The following GPD2 variants were observed in gnomAD, a reference collection of about 807,000 sequenced individuals.
GPD2 encodes glycerol-3-phosphate dehydrogenase, mitochondrial.
GPD2 carries 54 observed loss-of-function variants against 82.4 expected under a neutral mutation model. The ratio of observed to expected loss-of-function variants is 0.66; its 90% confidence interval spans 0.53 to 0.82. The LOEUF (loss-of-function observed/expected upper bound fraction) is 0.82. Ranked by LOEUF, GPD2 falls within the 40% of genes least tolerant of loss-of-function variation. GPD2 has a pLI of 0.00. For synonymous variants in GPD2, 288 were observed against 306.1 expected (o/e 0.94, Z 0.62); for missense variants, 748 against 896.2 (o/e 0.83, Z 2.11).
intron 1 of GPD2, among the ~76,000 whole-genome samples, chr2:156,439,244 A>T (rs2105134170): frequency 6.6e-6 from 1 of 152,012 alleles, no homozygotes; most frequent in South Asian, 2.1e-4. Flanking sequence ...GAAAATGGTA[A>T]CTCTTCATTC....
intron 9 of GPD2, among the ~76,000 whole-genome samples, chr2:156,561,053 T>TTTTTTTTTTG: frequency 8.0e-6 from 1 of 125,470 alleles, no homozygotes; most frequent in African/African-American, 3.0e-5. Flanking sequence ...TTTTTTTTTT[T>TTTTTTTTTTG]TTTTTTTTTT....
intron 4 of GPD2, 43 bp from the exon 5 acceptor site, chr2:156,512,177 G>C (rs756093375): frequency 2.2e-6 from 2 of 927,904 alleles, no homozygotes; most frequent in South Asian, 2.6e-5. Context: ...AAAATATTAT[G>C]ATCTGTTACT....
chr2:156,469,765 T>C (rs1683266174), intron 1 of GPD2, among the ~76,000 whole-genome samples: 1 of 152,212 alleles, frequency 6.6e-6, no homozygotes, highest in Non-Finnish European at 1.5e-5. Flanking sequence ...TGCTTACTTC[T>C]ATGCTGGCAT....
chr2:156,558,830 T>C (rs1170059939), intron 9 of GPD2, among the ~76,000 whole-genome samples: 2 of 142,858 alleles, frequency 1.4e-5, no homozygotes, highest in East Asian at 4.2e-4. Context: ...GTTGGCCAGG[T>C]TGGTCTCAAA....
In GPD2 at chr2:156,527,890, T is replaced by C. The variant is rs1206247619; in HGVS notation, c.661+14394T>C. On this transcript the variant is annotated intron_variant, in intron 6 of 16. Coordinates refer to ENST00000438166, the MANE Select transcript of GPD2 (RefSeq NM_000408.5). ...AATGGATTTGGTGATTTGTGTTTTA[T>C]TTTCCTTAAGAAGGTTGAAGTCTGA... 3.9e-5 allele frequency among the ~76,000 whole-genome samples: 6 copies of C among 152,152 alleles called. No homozygotes were observed. The South Asian group carries it at 8.3e-4, about 21-fold the overall frequency.
intron 16 of GPD2, among the ~76,000 whole-genome samples, chr2:156,581,080 GT>G: frequency 6.6e-6 from 1 of 152,210 alleles, no homozygotes; most frequent in East Asian, 1.9e-4. Flanking sequence ...ATGCTATGTG[GT>G]TTAGGTTTTA....
At chr2:156,552,360 T>C (rs1686789874) in intron 8 of GPD2, among the ~76,000 whole-genome samples, 2 of 152,178 alleles carry the variant, frequency 1.3e-5, no homozygotes, top group Non-Finnish European at 2.9e-5. Context: ...GAAATAAATA[T>C]ATGAAAATGT....
chr2:156,577,242 A>G lies in GPD2; in HGVS notation c.1768-1647A>G, dbSNP rs755793613. On this transcript the variant is annotated intron_variant, in intron 13 of 16. Coordinates refer to ENST00000438166, the MANE Select transcript of GPD2 (RefSeq NM_000408.5). ...CATGCCTATAATCCCAGCACTTTGG[A>G]AAGCTGAGGTGGGAGAATCAATCAC... Among the ~76,000 whole-genome samples, 4 of 152,084 alleles carry G rather than the reference A, an allele frequency of 2.6e-5. No homozygotes were observed. In the East Asian group the frequency reaches 7.7e-4, roughly 29 times the overall value.
At chr2:156,464,710 T>G (rs536816216) in intron 1 of GPD2, among the ~76,000 whole-genome samples, 1 of 152,276 alleles carries the variant, frequency 6.6e-6, no homozygotes, top group East Asian at 1.9e-4. Context: ...CTATAACTAA[T>G]TATTATTAAA....
chr2:156,450,387 A>G (rs567485626), intron 1 of GPD2, among the ~76,000 whole-genome samples: 1 of 152,300 alleles, frequency 6.6e-6, no homozygotes, highest in African/African-American at 2.4e-5. Flanking sequence ...CAGAGAATGT[A>G]TATAGAGAGA....
At chr2:156,482,204 G>T (rs1450940752) in intron 2 of GPD2, among the ~76,000 whole-genome samples, 1 of 152,182 alleles carries the variant, frequency 6.6e-6, no homozygotes, top group Middle Eastern at 3.2e-3. Context: ...AGTAGCAAAT[G>T]ATATATCCTT....
intron 3 of GPD2, chr2:156,501,978 A>G (rs1003619480): frequency 6.3e-6 from 1 of 159,762 alleles, no homozygotes; most frequent in Non-Finnish European, 1.5e-5. Context: ...GAGTCTATAA[A>G]TTAGTCTATC....
At chr2:156,433,533 T>G (rs545371031), upstream of GPD2, among the ~76,000 whole-genome samples, 3 of 152,274 alleles carry the variant, frequency 2.0e-5, no homozygotes, top group African/African-American at 7.2e-5. Flanking sequence ...ACCCACCAAG[T>G]TGTCCTTAAA....
At chr2:156,490,397 A>C (rs1014536605) in intron 2 of GPD2, among the ~76,000 whole-genome samples, 4 of 151,926 alleles carry the variant, frequency 2.6e-5, no homozygotes, top group East Asian at 3.8e-4. Flanking sequence ...GAAAAAAAAA[A>C]AAAACAAAAA....
rs1558972299 is a variant in GPD2 at position 156,579,158 on chromosome 2, A to G, written c.1953A>G (p.Val651=). 1.3e-6 allele frequency: 2 copies of G among 1,585,084 alleles called. No homozygotes were observed. Among genetic ancestry groups the G allele is most frequent in the South Asian group, 1.1e-5 (1 of 90,482 alleles). Reference sequence around the variant, plus strand: ...TTACCATTGTTGATGTTCAGCGTGTATTAGAGGTAATTTTCTTTGGTTGAT... The same window carrying G: ...TTACCATTGTTGATGTTCAGCGTGTGTTAGAGGTAATTTTCTTTGGTTGAT... ...GFITIVDVQR[V]LESINVQMDE... is the part of the protein sequence containing the mutation. Residue 651 remains valine, a synonymous_variant, in exon 15 of 17, where the codon GTA becomes GTG. Transcript: ENST00000438166.
At chr2:156,556,180 T>G (rs1165732841) in intron 8 of GPD2, among the ~76,000 whole-genome samples, 1 of 152,196 alleles carries the variant, frequency 6.6e-6, no homozygotes, top group Non-Finnish European at 1.5e-5. Context: ...AAAATCTGAC[T>G]GTGTGTCTTT....
At chr2:156,496,986 G>A (rs900839845) in intron 3 of GPD2, among the ~76,000 whole-genome samples, 1 of 152,144 alleles carries the variant, frequency 6.6e-6, no homozygotes, top group Non-Finnish European at 1.5e-5. Flanking sequence ...AAGGCATGAT[G>A]AAAATGGAAA....
intron 1 of GPD2, among the ~76,000 whole-genome samples, chr2:156,475,288 GAA>G (rs1683467566): frequency 6.6e-6 from 1 of 152,146 alleles, no homozygotes; most frequent in African/African-American, 2.4e-5. Context: ...GTCAGTTTGT[GAA>G]AGTCTTAAGG....
intron 6 of GPD2, among the ~76,000 whole-genome samples, chr2:156,531,749 G>T (rs1344232748): frequency 6.6e-6 from 1 of 152,124 alleles, no homozygotes; most frequent in Non-Finnish European, 1.5e-5. Context: ...ATGGTAATCT[G>T]AGGGCCCTCC....
Sources: gnomAD v4.1 joint callset for allele counts (sites outside exome capture counted in the v4.1 genomes callset) on GRCh38, gnomAD v4.1.1 for gene constraint, MANE v1.5 for transcripts, NCBI Gene and HGNC (gene_info 2026-07-23, HGNC 2026-07-21) for gene names.